MAP3K2: variants seen among roughly 807,000 people sequenced by gnomAD.
MAP3K2 encodes the protein mitogen-activated protein kinase kinase kinase 2.
Under a neutral mutation model 80.3 loss-of-function variants are expected in MAP3K2, and 24 were observed. The ratio of observed to expected loss-of-function variants is 0.30; its 90% CI spans 0.22 to 0.42. The LOEUF is 0.42. Among genes scored for constraint, MAP3K2 ranks in the 10% least tolerant of loss-of-function variants. The pLI, the probability that MAP3K2 is intolerant of heterozygous loss-of-function variation, is 1.00. For synonymous variants in MAP3K2, 244 were observed against 253.7 expected (o/e 0.96, Z 0.36); for missense variants, 608 against 750.1 (o/e 0.81, Z 2.21).
intron 1 of MAP3K2, among the ~76,000 whole-genome samples, chr2:127,366,110 AC>A: frequency 6.6e-6 from 1 of 152,188 alleles, no homozygotes; most frequent in Non-Finnish European, 1.5e-5. Context: ...GGAACAAGTA[AC>A]CCTCATTCCA....
chr2:127,383,621 G>C (rs1362966218), intron 1 of MAP3K2, among the ~76,000 whole-genome samples: 1 of 152,102 alleles, frequency 6.6e-6, no homozygotes, highest in East Asian at 1.9e-4. Context: ...TGTCATCAGG[G>C]AATAGGGTAT....
chr2:127,332,321 T>C (rs990743047), intron 5 of MAP3K2, among the ~76,000 whole-genome samples: 3 of 152,228 alleles, frequency 2.0e-5, no homozygotes, highest in African/African-American at 4.8e-5. Flanking sequence ...GAATACTTAC[T>C]TTTATTATTC....
At chr2:127,386,644 G>A in intron 1 of MAP3K2, among the ~76,000 whole-genome samples, 1 of 151,944 alleles carries the variant, frequency 6.6e-6, no homozygotes, top group Non-Finnish European at 1.5e-5. Flanking sequence ...TACATAAAAA[G>A]TAAAGGTATC....
rs1162987723 is a variant in MAP3K2 at position 127,301,090 on chromosome 2, G to A, written c.*6489C>T. ...ATTAAGGGATTCTCAACTGCATTAA[G>A]GGATTCAGAAATTATTTGGGGACAA... On this transcript the variant is annotated 3_prime_UTR_variant, in exon 17 of 17. Coordinates refer to ENST00000682094, the MANE Select transcript of MAP3K2 (RefSeq NM_001371910.2). The A allele has an allele frequency of 6.6e-6, 1 of 152,180 alleles. No homozygotes were observed. The highest frequency in any genetic ancestry group is 1.5e-5 in the Non-Finnish European group (1 of 68,024). The allele number at this position is 152,180 out of a possible 1,614,324, so 9.4% of individuals were successfully genotyped here.
At chr2:127,328,257 G>A (rs1686183588) in intron 7 of MAP3K2, among the ~76,000 whole-genome samples, 1 of 152,090 alleles carries the variant, frequency 6.6e-6, no homozygotes, top group Non-Finnish European at 1.5e-5. Flanking sequence ...CCTGGGTGAC[G>A]GAGTGAGACT....
chr2:127,362,794 G>A (rs952140653), intron 1 of MAP3K2, among the ~76,000 whole-genome samples: 1 of 152,092 alleles, frequency 6.6e-6, no homozygotes, highest in African/African-American at 2.4e-5. Flanking sequence ...AATATTATTT[G>A]TAAAGCACTT....
At chr2:127,333,131 C>CAA (rs34727603) in intron 5 of MAP3K2, among the ~76,000 whole-genome samples, 91 of 107,250 alleles carry the variant, frequency 8.5e-4, no homozygotes, top group Admixed American at 2.3e-3. Context: ...GATGCTGTCT[C>CAA]AAAAAAAAAA....
intron 1 of MAP3K2, among the ~76,000 whole-genome samples, chr2:127,349,325 TTTTTTGTTTTTG>T (rs959046409): frequency 2.0e-5 from 3 of 151,912 alleles, no homozygotes; most frequent in African/African-American, 7.3e-5. Context: ...GCCTGGCTAG[TTTTTTGTTTTTG>T]TTTTTGTTTT....
intron 1 of MAP3K2, among the ~76,000 whole-genome samples, chr2:127,349,555 T>C (rs542187830): frequency 2.6e-5 from 4 of 152,140 alleles, no homozygotes; most frequent in Admixed American, 6.5e-5. Flanking sequence ...AAGACAAATA[T>C]AAGACTAAAT....
At chr2:127,361,334 A>T (rs59366730) in intron 1 of MAP3K2, among the ~76,000 whole-genome samples, 3 of 149,216 alleles carry the variant, frequency 2.0e-5, no homozygotes, top group East Asian at 2.0e-4. Flanking sequence ...AAAAAAAAAA[A>T]TTAAAAGGGA....
Position 127,339,122 on chromosome 2 carries a change from A to C in MAP3K2, c.5-72T>G. The C allele has an allele frequency of 1.1e-6, 1 of 876,632 alleles. No homozygotes were observed. Among genetic ancestry groups the C allele is most frequent in the Non-Finnish European group, 1.8e-6 (1 of 564,048 alleles). 54.3% of individuals were successfully genotyped at this position (876,632 alleles called of 1,614,324 possible). A position where few individuals can be genotyped will look rare whatever the true frequency, so the allele number is the denominator to read the frequency against. On this transcript the variant is annotated intron_variant, in intron 2 of 16. Transcript: ENST00000682094. The surrounding 1 kb of genome is among the most constrained non-coding windows in gnomAD (Gnocchi z 4.2). The stretch of plus-strand genomic sequence containing the variant: ...TATATATCAACATGTATAGACATCA[A>C]ACACAAAATTTAAAATAAAATTTGA...
intron 1 of MAP3K2, among the ~76,000 whole-genome samples, chr2:127,374,009 T>C (rs1574007584): frequency 6.6e-6 from 1 of 152,318 alleles, no homozygotes; most frequent in East Asian, 1.9e-4. Flanking sequence ...CTAAAATAGT[T>C]CAATCCCCCA....
At position 127,304,394 on chromosome 2, in the gene MAP3K2, A is replaced by G. The variant is rs1351460069; in HGVS notation, c.*3185T>C. On this transcript the variant is annotated 3_prime_UTR_variant, in exon 17 of 17. Transcript: ENST00000682094. ...TTTTGTTTGCAATGTAAAAGATCTTATATTTGGTCCAAGCCTAAGTCATGC... is the reference window on the plus strand; with the variant it reads ...TTTTGTTTGCAATGTAAAAGATCTTGTATTTGGTCCAAGCCTAAGTCATGC... The G allele has an allele frequency of 6.6e-6, 1 of 152,146 alleles. No homozygotes were observed. Among genetic ancestry groups the G allele is most frequent in the African/African-American group, 2.4e-5 (1 of 41,444 alleles). 9.4% of individuals were successfully genotyped at this position (152,146 alleles called of 1,614,324 possible).
intron 6 of MAP3K2, 140 bp downstream of exon 6, chr2:127,330,252 T>C (rs1299906628): frequency 3.4e-6 from 2 of 587,120 alleles, no homozygotes; most frequent in Non-Finnish European, 3.0e-6. Flanking sequence ...TATTAAAGTA[T>C]AGTAATTAAA....
chr2:127,378,873 C>A (rs1053964582), intron 1 of MAP3K2, among the ~76,000 whole-genome samples: 1 of 151,986 alleles, frequency 6.6e-6, no homozygotes, highest in Non-Finnish European at 1.5e-5. Flanking sequence ...CTCAAGCAAT[C>A]CTCCCACCTC....
At chr2:127,366,385 A>G (rs866810675) in intron 1 of MAP3K2, among the ~76,000 whole-genome samples, 23 of 129,218 alleles carry the variant, frequency 1.8e-4, no homozygotes, top group South Asian at 1.4e-3. Flanking sequence ...CTATCTCTGG[A>G]AAAAAAAAAA....
chr2:127,385,865 T>C (rs574207578), intron 1 of MAP3K2, among the ~76,000 whole-genome samples: 90 of 152,352 alleles, frequency 5.9e-4, no homozygotes, highest in African/African-American at 1.9e-3. Context: ...CCCTAAAACA[T>C]TGCTTATAAG....
At position 127,304,125 on chromosome 2, in the gene MAP3K2, A is replaced by C; in HGVS notation, c.*3454T>G. 1 of 152,294 alleles carries C rather than the reference A, an allele frequency of 6.6e-6. No individual in the cohort carries two copies. The highest frequency in any genetic ancestry group is 1.9e-4 in the East Asian group (1 of 5,186). 9.4% of individuals were successfully genotyped at this position (152,294 alleles called of 1,614,324 possible). ...CTTTTACAGTTCAGCAAATGCATTA[A>C]TATTTTAATTCCTTATATATGTTAT... On this transcript the variant is annotated 3_prime_UTR_variant, in exon 17 of 17. Coordinates refer to ENST00000682094, the MANE Select transcript of MAP3K2 (RefSeq NM_001371910.2).
At position 127,306,241 on chromosome 2, in the gene MAP3K2, C is replaced by A. The variant is rs888853715; in HGVS notation, c.*1338G>T. The A allele has an allele frequency of 2.0e-5, 3 of 152,152 alleles. No homozygotes were observed. The highest frequency in any genetic ancestry group is 4.8e-5 in the African/African-American group (2 of 41,448). The allele number at this position is 152,152 out of a possible 1,614,324, so 9.4% of individuals were successfully genotyped here. A position where few individuals can be genotyped will look rare whatever the true frequency, so the allele number is the denominator to read the frequency against. On this transcript the variant is annotated 3_prime_UTR_variant, in exon 17 of 17. Coordinates refer to ENST00000682094, the MANE Select transcript of MAP3K2 (RefSeq NM_001371910.2). This position sits in a 1 kb window ranked among gnomAD's most constrained non-coding sequence, Gnocchi z 4.7. ...AGCTGTTTTCAGTTTATAACTGGGA[C>A]TGATCTTTACATCAGGGTTTCTCAG...
Sources: allele counts gnomAD v4.1 joint callset (sites outside exome capture counted in the v4.1 genomes callset), GRCh38; gene constraint gnomAD v4.1.1; non-coding constraint Gnocchi (gnomAD v3.1); transcripts MANE v1.5; gene names NCBI Gene and HGNC (gene_info 2026-07-23, HGNC 2026-07-21).